MCPH1: variants seen among roughly 807,000 people sequenced by gnomAD.
MCPH1 encodes the protein microcephalin.
MCPH1 carries 104 observed loss-of-function variants against 84.5 expected under a neutral mutation model. The observed-to-expected ratio is 1.23, with a 90% CI of 1.05 to 1.45. The LOEUF is 1.45. Ranked by LOEUF, MCPH1 falls within the 40% of genes most tolerant of loss-of-function variation. MCPH1 has a pLI of 0.00. For synonymous variants in MCPH1, 514 were observed against 366.8 expected (o/e 1.40, Z -4.58); for missense variants, 1,498 against 1,005.7 (o/e 1.49, Z -6.62).
At chr8:6,636,543 G>C (rs1005435236) in intron 13 of MCPH1, among the ~76,000 whole-genome samples, 1 of 152,020 alleles carries the variant, frequency 6.6e-6, no homozygotes, top group African/African-American at 2.4e-5. Flanking sequence ...ACAGTGCTGC[G>C]ATCATAGCTC....
Position 6,445,143 on chromosome 8 carries a change from C to G in MCPH1, c.1421C>G (p.Thr474Ser). The change falls in exon 8 of 14, where the codon ACC (threonine) becomes AGC (serine). Residue 474 changes from threonine (T) to serine (S), a missense_variant. Transcript: ENST00000344683. ...VGKKTRTVDITNFTAKTISSP... is the reference protein window; with the variant it reads ...VGKKTRTVDISNFTAKTISSP... ...AAAAAAACCAGAACAGTTGACATTA[C>G]CAATTTCACAGCAAAAACCATCTCC... The G allele has an allele frequency of 3.7e-6, 6 of 1,614,200 alleles. No homozygotes were observed. The highest frequency in any genetic ancestry group is 1.1e-5 in the South Asian group (1 of 91,086).
intron 12 of MCPH1, chr8:6,621,211 C>CTTTTTTTTTTTT (rs532366531): frequency 1.2e-5 from 6 of 502,858 alleles, no homozygotes; most frequent in Non-Finnish European, 1.8e-5. Context: ...AAGGCCTACA[C>CTTTTTTTTTTTT]TTTTTTTTTT....
intron 3 of MCPH1, among the ~76,000 whole-genome samples, chr8:6,425,298 G>C (rs1156726288): frequency 6.6e-6 from 1 of 152,148 alleles, no homozygotes; most frequent in South Asian, 2.1e-4. Flanking sequence ...ACCACTAGAT[G>C]GTGGGATAAT....
rs1342682241 is a variant in MCPH1 at position 6,431,594 on chromosome 8, C to T, written c.321+8C>T. On this transcript the variant is annotated splice_region_variant and intron_variant, in intron 4 of 13. Coordinates refer to ENST00000344683, the MANE Select transcript of MCPH1 (RefSeq NM_024596.5). Reference sequence around the variant, plus strand: ...AGCCTAATTAAAAAAAAAGTAAGTACATGATTTCAATGTAGATAATGGCAA... The same window carrying T: ...AGCCTAATTAAAAAAAAAGTAAGTATATGATTTCAATGTAGATAATGGCAA... 6.4e-7 allele frequency: 1 copy of T among 1,569,166 alleles called. No homozygotes were observed. Among genetic ancestry groups the T allele is most frequent in the Non-Finnish European group, 8.8e-7 (1 of 1,142,144 alleles).
At chr8:6,567,546 G>A (rs538466215) in intron 12 of MCPH1, among the ~76,000 whole-genome samples, 2 of 152,334 alleles carry the variant, frequency 1.3e-5, no homozygotes, top group Non-Finnish European at 2.9e-5. Context: ...AGAGGGGCCA[G>A]GAAGTGGCCT....
chr8:6,413,574 G>A (rs1239945837), intron 2 of MCPH1, among the ~76,000 whole-genome samples: 1 of 151,714 alleles, frequency 6.6e-6, no homozygotes. Flanking sequence ...CTTGCCTTTT[G>A]TCTCCTGTTG....
intron 12 of MCPH1, among the ~76,000 whole-genome samples, chr8:6,576,686 T>A (rs1167992735): frequency 1.1e-4 from 3 of 27,652 alleles, no homozygotes; most frequent in African/African-American, 3.6e-4. Flanking sequence ...TTTTGTATTT[T>A]TTTTTTTTTT....
chr8:6,589,903 A>G (rs1828302250), intron 12 of MCPH1, among the ~76,000 whole-genome samples: 1 of 152,248 alleles, frequency 6.6e-6, no homozygotes. Flanking sequence ...TATGGAAATG[A>G]AAATAATTCA....
chr8:6,412,387 C>G (rs1266977349), intron 2 of MCPH1, among the ~76,000 whole-genome samples: 2 of 152,166 alleles, frequency 1.3e-5, no homozygotes. Context: ...TTTGGTTTCA[C>G]CTTTTATTTC....
intron 12 of MCPH1, among the ~76,000 whole-genome samples, chr8:6,539,981 G>C (rs1397261459): frequency 2.6e-5 from 4 of 152,076 alleles, no homozygotes; most frequent in Admixed American, 1.3e-4. Flanking sequence ...GTTCACTTTT[G>C]GCCACTATAT....
chr8:6,453,197 GTCCAACTAATCTT>G (rs1237828884), intron 8 of MCPH1, among the ~76,000 whole-genome samples: 2 of 152,192 alleles, frequency 1.3e-5, no homozygotes, highest in Admixed American at 1.3e-4. Flanking sequence ...CAAAAGTGGA[GTCCAACTAATCTT>G]TCCACAAATG....
chr8:6,565,906 G>C (rs1471683309), intron 12 of MCPH1, among the ~76,000 whole-genome samples: 6 of 152,236 alleles, frequency 3.9e-5, no homozygotes, highest in African/African-American at 1.4e-4. Flanking sequence ...GGAAGGAACA[G>C]CTCTTTGTAG....
intron 11 of MCPH1, among the ~76,000 whole-genome samples, chr8:6,496,844 C>T (rs1197388510): frequency 1.3e-5 from 2 of 152,092 alleles, no homozygotes; most frequent in African/African-American, 2.4e-5. Flanking sequence ...TGTTTTCAAG[C>T]CCAACTTAAA....
Position 6,626,820 on chromosome 8 carries a change from A to T in MCPH1, c.2452+5129A>T, listed in dbSNP as rs1037934148. The T allele has an allele frequency of 4.1e-6, 4 of 983,826 alleles. No individual in the cohort carries two copies. The African/African-American group carries it at 7.1e-5, about 17-fold the overall frequency. 60.9% of individuals were successfully genotyped at this position (983,826 alleles called of 1,614,324 possible). A position where few individuals can be genotyped will look rare whatever the true frequency, so the allele number is the denominator to read the frequency against. ...ATTTGTGCTGTGGTCAGCTCTGTGC[A>T]CTCTTCCCTCCCTGCTGCTGTTATC... On this transcript the variant is annotated intron_variant, in intron 13 of 13. Coordinates refer to ENST00000344683, the MANE Select transcript of MCPH1 (RefSeq NM_024596.5).
chr8:6,470,912 C>T (rs573774874), intron 9 of MCPH1, among the ~76,000 whole-genome samples: 4 of 152,366 alleles, frequency 2.6e-5, no homozygotes, highest in African/African-American at 9.6e-5. Context: ...GTCTTTTCTA[C>T]CATCCAGTTA....
chr8:6,457,323 T>C (rs1370113007), intron 9 of MCPH1, among the ~76,000 whole-genome samples: 1 of 151,722 alleles, frequency 6.6e-6, no homozygotes, highest in Non-Finnish European at 1.5e-5. Flanking sequence ...CCAGTCATGG[T>C]GGCTCATGCC....
chr8:6,620,719 C>T (rs371092651), intron 12 of MCPH1, among the ~76,000 whole-genome samples: 20 of 152,278 alleles, frequency 1.3e-4, no homozygotes, highest in East Asian at 1.2e-3. Context: ...TTTACCAACC[C>T]GTAGTTAGGA....
intron 9 of MCPH1, chr8:6,473,873 A>T (rs1342966433): frequency 6.6e-7 from 1 of 1,508,732 alleles, no homozygotes; most frequent in Non-Finnish European, 8.8e-7. Context: ...CCACTGCTCA[A>T]TCCATTTCAA....
intron 12 of MCPH1, among the ~76,000 whole-genome samples, chr8:6,599,891 G>C (rs1298891391): frequency 6.6e-6 from 1 of 152,192 alleles, no homozygotes. Context: ...GGAAACCAAA[G>C]AAAAACAATA....
Sources: allele counts gnomAD v4.1 joint callset (sites outside exome capture counted in the v4.1 genomes callset), GRCh38; gene constraint gnomAD v4.1.1; transcripts MANE v1.5; gene names NCBI Gene and HGNC (gene_info 2026-07-23, HGNC 2026-07-21).